Variants in DGKB observed in about 807,000 individuals in gnomAD.
The protein encoded by DGKB is 90 kDa diacylglycerol kinase.
In DGKB, 67 loss-of-function variants were observed where a neutral mutation model predicts 114.3. The observed-to-expected ratio is 0.59, with a 90% confidence interval of 0.48 to 0.72. The LOEUF (loss-of-function observed/expected upper bound fraction) is 0.72. DGKB is among the 30% of genes least tolerant of loss of function. The pLI is 0.00. For missense variants in DGKB, 907 were observed against 975.2 expected (o/e 0.93, Z 0.93); for synonymous variants, 398 against 323.1 (o/e 1.23, Z -2.49).
At chr7:14,622,992 A>C (rs932047791) in intron 14 of DGKB, among the ~76,000 whole-genome samples, 1 of 152,130 alleles carries the variant, frequency 6.6e-6, no homozygotes, top group Non-Finnish European at 1.5e-5. Flanking sequence ...TATTTATCTG[A>C]TTTGTTTAAT....
At chr7:14,245,474 A>G (rs75858644) in intron 23 of DGKB, among the ~76,000 whole-genome samples, 15,518 of 152,156 alleles carry the variant, frequency 0.1, 1,199 homozygotes, top group African/African-American at 0.22. Context: ...GGTAGATTCT[A>G]GCCAAGAGGT....
intron 21 of DGKB, among the ~76,000 whole-genome samples, chr7:14,410,199 A>AATAT (rs58851028): frequency 0.72 from 107,938 of 148,912 alleles, 39,583 homozygotes; most frequent in Middle Eastern, 0.79. Flanking sequence ...AATTACACTA[A>AATAT]ATATATATAT....
chr7:14,540,692 G>A lies in DGKB; in HGVS notation c.1770+33520C>T, dbSNP rs866331768. On this transcript the variant is annotated intron_variant, in intron 20 of 25. Transcript: ENST00000402815. ...ATTTTTTCATTACTTTCCTATTGCAGTGATTTATTTCAAGTTTTGTTTCAT... is the reference window on the plus strand; with the variant it reads ...ATTTTTTCATTACTTTCCTATTGCAATGATTTATTTCAAGTTTTGTTTCAT... Among the ~76,000 whole-genome samples the A allele has an allele frequency of 1.6e-4, 24 of 152,230 alleles. No homozygotes were observed. In the Middle Eastern group the frequency reaches 0.014, roughly 86 times the overall value.
chr7:14,639,711 C>T (rs2128870951), intron 13 of DGKB, among the ~76,000 whole-genome samples: 1 of 152,266 alleles, frequency 6.6e-6, no homozygotes, highest in East Asian at 1.9e-4. Flanking sequence ...TTAGAGCTTG[C>T]CTCTTCCTTT....
intron 23 of DGKB, among the ~76,000 whole-genome samples, chr7:14,220,836 T>G (rs187773785): frequency 4.0e-5 from 6 of 150,452 alleles, no homozygotes; most frequent in Admixed American, 1.3e-4. Flanking sequence ...TTCTTTCTTT[T>G]AATTTTTTAA....
chr7:14,253,008 A>G (rs1207597400), intron 23 of DGKB, among the ~76,000 whole-genome samples: 3 of 151,308 alleles, frequency 2.0e-5, no homozygotes, highest in Non-Finnish European at 4.4e-5. Flanking sequence ...TTGTGAAGAT[A>G]TCTTTGCATG....
At position 14,698,003 on chromosome 7, in the gene DGKB, AAGAAAGAAAGAAAG is replaced by A. The variant is rs1310787616; in HGVS notation, c.591+78_591+91del. The A allele has an allele frequency of 4.1e-4, 289 of 711,224 alleles. No homozygotes were observed. The African/African-American group carries it at 4.7e-3, about 12-fold the overall frequency. 44.1% of individuals were successfully genotyped at this position (711,224 alleles called of 1,614,324 possible). A position where few individuals can be genotyped will look rare whatever the true frequency, so the allele number is the denominator to read the frequency against. On this transcript the variant is annotated intron_variant, in intron 8 of 25. Transcript: ENST00000402815. ...AAAGAGAGAGAGAAAGAAAAAAAGAAAGAAAGAAAGAAAGAGAAAGAAAGAAAGAAAGAAAAGAA... is the reference window on the plus strand; with the variant it reads ...AAAGAGAGAGAGAAAGAAAAAAAGAAAGAAAGAAAGAAAGAAAGAAAAGAA...
At chr7:14,154,177 CTTTTT>C (rs5882429) in intron 25 of DGKB, among the ~76,000 whole-genome samples, 29 of 128,370 alleles carry the variant, frequency 2.3e-4, no homozygotes, top group African/African-American at 3.4e-4. Flanking sequence ...AGAGTTTTGT[CTTTTT>C]TTTTTTTTTT....
intron 4 of DGKB, among the ~76,000 whole-genome samples, chr7:14,745,245 C>G (rs968472619): frequency 1.3e-5 from 2 of 152,224 alleles, no homozygotes; most frequent in Non-Finnish European, 2.9e-5. Context: ...TCCAAGCGAT[C>G]ATGCAACCAG....
At chr7:14,247,865 T>C (rs1406495733) in intron 23 of DGKB, among the ~76,000 whole-genome samples, 1 of 152,146 alleles carries the variant, frequency 6.6e-6, no homozygotes, top group African/African-American at 2.4e-5. Context: ...ATATCACTTG[T>C]CTATTTTTGT....
At chr7:14,325,089 C>T (rs1053427005) in intron 23 of DGKB, among the ~76,000 whole-genome samples, 11 of 152,160 alleles carry the variant, frequency 7.2e-5, no homozygotes, top group African/African-American at 2.2e-4. Context: ...CAGCAGGCAG[C>T]ACCTCACAAT....
chr7:14,211,478 A>G (rs5024496), intron 23 of DGKB, among the ~76,000 whole-genome samples: 474 of 23,048 alleles, frequency 0.021, 11 homozygotes, highest in Middle Eastern at 0.036. Context: ...TTTTACTCTC[A>G]TGTTTTGTGA....
chr7:14,210,939 C>T (rs149988408), intron 23 of DGKB, among the ~76,000 whole-genome samples: 1 of 152,196 alleles, frequency 6.6e-6, no homozygotes, highest in Non-Finnish European at 1.5e-5. Context: ...CCCCTCTCCA[C>T]TGTATCCTTG....
rs191575498 is a variant in DGKB at position 14,269,381 on chromosome 7, C to G, written c.2122+69134G>C. 4.3e-3 allele frequency among the ~76,000 whole-genome samples: 651 copies of G among 152,276 alleles called. 19 individuals are homozygous for G. The South Asian group carries it at 0.062, about 15-fold the overall frequency. On this transcript the variant is annotated intron_variant, in intron 23 of 25. Coordinates refer to ENST00000402815, the MANE Select transcript of DGKB (RefSeq NM_001350709.2). ...GAAGCAGCATCAAAGAATCTCTGGA[C>G]AAATTTTAGAACCACCACAAGTAGG...
intron 13 of DGKB, among the ~76,000 whole-genome samples, chr7:14,652,606 TA>T (rs1167325562): frequency 1.3e-5 from 2 of 150,446 alleles, no homozygotes; most frequent in African/African-American, 2.4e-5. Flanking sequence ...ACTTCCTGTC[TA>T]AAACACCAAA....
chr7:14,969,013 A>G (rs1403098213), intron 1 of DGKB, among the ~76,000 whole-genome samples: 1 of 152,162 alleles, frequency 6.6e-6, no homozygotes, highest in Non-Finnish European at 1.5e-5. Flanking sequence ...TCTGTCATTT[A>G]TTTTGATGAT....
chr7:14,220,133 A>T (rs1027417385), intron 23 of DGKB, among the ~76,000 whole-genome samples: 1 of 151,646 alleles, frequency 6.6e-6, no homozygotes, highest in East Asian at 1.9e-4. Context: ...TGTTTACTGT[A>T]CTGAATACTG....
At chr7:14,947,617 A>G (rs1785956549) in intron 1 of DGKB, among the ~76,000 whole-genome samples, 2 of 141,750 alleles carry the variant, frequency 1.4e-5, no homozygotes, top group African/African-American at 5.3e-5. Context: ...AGCTTTAAAA[A>G]CAAACCTGAA....
chr7:14,855,695 T>C (rs1481546836), intron 1 of DGKB, among the ~76,000 whole-genome samples: 1 of 152,226 alleles, frequency 6.6e-6, no homozygotes, highest in Non-Finnish European at 1.5e-5. Context: ...ATAATGTTTT[T>C]GGAAAGCCCA....
Sources: gnomAD v4.1 joint callset for allele counts (sites outside exome capture counted in the v4.1 genomes callset) on GRCh38, gnomAD v4.1.1 for gene constraint, MANE v1.5 for transcripts, NCBI Gene and HGNC (gene_info 2026-07-23, HGNC 2026-07-21) for gene names.